The following PCDHGA4 variants were observed in gnomAD, a reference collection of about 807,000 sequenced individuals.
The protein encoded by PCDHGA4 is protocadherin gamma subfamily A, 4.
PCDHGA4 carries 38 observed loss-of-function variants against 54.6 expected under a neutral mutation model. That is an observed-to-expected ratio of 0.70 (90% CI 0.54 to 0.91). PCDHGA4 has a LOEUF of 0.91. Ranked by LOEUF, PCDHGA4 falls within the 40% of genes least tolerant of loss-of-function variation. The pLI, the probability that PCDHGA4 is intolerant of heterozygous loss-of-function variation, is 0.00. For synonymous variants in PCDHGA4, 511 were observed against 512.9 expected (o/e 1.00, Z 0.05); for missense variants, 1,298 against 1,220.9 (o/e 1.06, Z -0.94).
intron 1 of PCDHGA4, chr5:141,376,559 C>A (rs758448085): frequency 2.3e-5 from 37 of 1,609,380 alleles, no homozygotes; most frequent in Admixed American, 6.7e-5. Flanking sequence ...TCCCGCAACC[C>A]AACTAATCAG....
chr5:141,421,593 G>A lies in PCDHGA4; in HGVS notation c.2514+63972G>A, dbSNP rs780085355. ...CCTTGAAGATTTACGGAGTGGAGGTGGAAATAATAGATATTAATGATAACG... is the reference window on the plus strand; with the variant it reads ...CCTTGAAGATTTACGGAGTGGAGGTAGAAATAATAGATATTAATGATAACG... On this transcript the variant is annotated intron_variant, in intron 1 of 3. Coordinates refer to ENST00000571252, the MANE Select transcript of PCDHGA4 (RefSeq NM_018917.4). 6 of 1,613,840 alleles carry A rather than the reference G, an allele frequency of 3.7e-6. No individual in the cohort carries two copies. In the East Asian group the frequency reaches 1.1e-4, roughly 30 times the overall value.
rs779756612 is a variant in PCDHGA4, at chr5:141,357,136, G to T, written c.2029G>T (p.Val677Phe). Residue 677 changes from valine to phenylalanine, a missense_variant, in exon 1 of 4, where the codon GTC (valine) becomes TTC (phenylalanine). Physicochemically the swap from Val to Phe is conservative, Grantham distance 50. Coordinates refer to ENST00000571252, the MANE Select transcript of PCDHGA4 (RefSeq NM_018917.4). ...DALKQRLVVV[V>F]QDHGQPPLSA... Reference sequence around the variant, plus strand: ...GCTCAAGCAGAGGCTTGTAGTGGTCGTCCAGGACCATGGCCAGCCCCCTCT... The same window carrying T: ...GCTCAAGCAGAGGCTTGTAGTGGTCTTCCAGGACCATGGCCAGCCCCCTCT... 1 of 1,613,540 alleles carries T rather than the reference G, an allele frequency of 6.2e-7. No individual in the cohort carries two copies. Among genetic ancestry groups the T allele is most frequent in the Non-Finnish European group, 8.5e-7 (1 of 1,179,882 alleles).
Position 141,404,160 on chromosome 5 carries a change from G to A in PCDHGA4, c.2514+46539G>A, listed in dbSNP as rs1308529085. On this transcript the variant is annotated intron_variant, in intron 1 of 3. Coordinates refer to ENST00000571252, the MANE Select transcript of PCDHGA4 (RefSeq NM_018917.4). The stretch of plus-strand genomic sequence containing the variant: ...GAAAATTCAGAAGAAGATTATTACA[G>A]ATTGTTGACGGCCCAAATTCTTGAC... The A allele has an allele frequency of 3.1e-6, 5 of 1,613,054 alleles. No homozygotes were observed. In the Admixed American group the frequency reaches 6.7e-5, roughly 22 times the overall value.
At chr5:141,376,425 A>G in intron 1 of PCDHGA4, 7 of 1,614,182 alleles carry the variant, frequency 4.3e-6, no homozygotes, top group Non-Finnish European at 4.2e-6. Context: ...ACGCTTATCA[A>G]CCAGGAGAGC....
At chr5:141,414,844 C>T (rs769714220) in intron 1 of PCDHGA4, 3 of 1,614,216 alleles carry the variant, frequency 1.9e-6, no homozygotes, top group South Asian at 2.2e-5. Flanking sequence ...CCTGTTTGTG[C>T]TGGACCAGAA....
intron 3 of PCDHGA4, among the ~76,000 whole-genome samples, chr5:141,506,567 T>G (rs2099855029): frequency 6.6e-6 from 1 of 152,182 alleles, no homozygotes; most frequent in Non-Finnish European, 1.5e-5. Flanking sequence ...CCCCCTCGGT[T>G]TCACTTACTA....
At chr5:141,420,817 A>G (rs547074952) in intron 1 of PCDHGA4, among the ~76,000 whole-genome samples, 2 of 152,354 alleles carry the variant, frequency 1.3e-5, no homozygotes, top group South Asian at 2.1e-4. Flanking sequence ...AGCCCTTTTA[A>G]TAATTACTCC....
rs1045001776 is a variant in PCDHGA4 at position 141,356,756 on chromosome 5, C to T, written c.1649C>T (p.Ser550Phe). 3.1e-6 allele frequency: 5 copies of T among 1,613,976 alleles called. No homozygotes were observed. In the South Asian group the frequency reaches 4.4e-5, roughly 14 times the overall value. The change falls in exon 1 of 4, where the codon TCC becomes TTC. Residue 550 changes from serine to phenylalanine, a missense_variant. Coordinates refer to ENST00000571252, the MANE Select transcript of PCDHGA4 (RefSeq NM_018917.4). ...SNTGILYALC[S>F]FDYEQFRDLQ... ...ACAGGGATCCTATATGCTCTTTGCT[C>T]CTTCGACTATGAGCAGTTTAGAGAC...
At chr5:141,415,275 G>T in intron 1 of PCDHGA4, 5 of 1,614,212 alleles carry the variant, frequency 3.1e-6, no homozygotes, top group Non-Finnish European at 4.2e-6. Flanking sequence ...TGGTGGTAGC[G>T]GTGGCCGCGG....
chr5:141,500,403 G>GT (rs2099800018), intron 2 of PCDHGA4, among the ~76,000 whole-genome samples: 1 of 151,706 alleles, frequency 6.6e-6, no homozygotes, highest in Non-Finnish European at 1.5e-5. Context: ...TAGAGACGGG[G>GT]TTTCACCGTG....
intron 1 of PCDHGA4, chr5:141,427,891 G>A (rs767506033): frequency 1.3e-6 from 2 of 1,566,658 alleles, no homozygotes; most frequent in South Asian, 2.2e-5. Context: ...CACGACCAGG[G>A]CTCGCCCGCG....
intron 1 of PCDHGA4, chr5:141,372,371 G>A: frequency 6.2e-7 from 1 of 1,613,974 alleles, no homozygotes; most frequent in Non-Finnish European, 8.5e-7. Flanking sequence ...CCACCGTCAT[G>A]CTGCACCTAA....
chr5:141,371,287 C>T, intron 1 of PCDHGA4: 2 of 1,613,928 alleles, frequency 1.2e-6, no homozygotes, highest in South Asian at 1.1e-5. Flanking sequence ...GACAGTAAAA[C>T]GGGGGAACTC....
chr5:141,370,997 C>A (rs1449241372), intron 1 of PCDHGA4: 1 of 1,613,866 alleles, frequency 6.2e-7, no homozygotes, highest in Non-Finnish European at 8.5e-7. Flanking sequence ...CACCCCTGGA[C>A]AGGGAAGAGC....
At chr5:141,467,604 CT>C (rs2099147202) in intron 1 of PCDHGA4, among the ~76,000 whole-genome samples, 1 of 152,204 alleles carries the variant, frequency 6.6e-6, no homozygotes, top group Non-Finnish European at 1.5e-5. Context: ...AGCACTTCAT[CT>C]TTGTCCCAGT....
At chr5:141,403,589 A>ACGGCCT in intron 1 of PCDHGA4, 2 of 1,613,812 alleles carry the variant, frequency 1.2e-6, no homozygotes, top group Non-Finnish European at 1.7e-6. Context: ...CCTGGTCCTC[A>ACGGCCT]CGGCCTCGGA....
At chr5:141,413,129 A>G in intron 1 of PCDHGA4, 2 of 1,536,352 alleles carry the variant, frequency 1.3e-6, no homozygotes, top group East Asian at 2.3e-5. Context: ...GTTGAAACAC[A>G]CAACGTGTCC....
chr5:141,423,516 C>T (rs2096749721), intron 1 of PCDHGA4: 1 of 1,613,732 alleles, frequency 6.2e-7, no homozygotes, highest in Non-Finnish European at 8.5e-7. Flanking sequence ...TCATTGCGGA[C>T]TCGCAGAAGA....
At chr5:141,475,315 A>G (rs766425496) in intron 1 of PCDHGA4, among the ~76,000 whole-genome samples, 2 of 152,182 alleles carry the variant, frequency 1.3e-5, no homozygotes, top group Non-Finnish European at 2.9e-5. Flanking sequence ...CCTGGTTCTT[A>G]AGAAATGAGA....
Sources: allele counts gnomAD v4.1 joint callset (sites outside exome capture counted in the v4.1 genomes callset), GRCh38; gene constraint gnomAD v4.1.1; transcripts MANE v1.5; gene names NCBI Gene and HGNC (gene_info 2026-07-23, HGNC 2026-07-21).